Variants in BLVRA observed in about 807,000 individuals in gnomAD.
The protein encoded by BLVRA is BVR A.
In BLVRA, 22 loss-of-function variants were observed where a neutral mutation model predicts 32.8. The ratio of observed to expected loss-of-function variants is 0.67; its 90% CI spans 0.48 to 0.96. The LOEUF is 0.96. BLVRA is among the 40% of genes least tolerant of loss of function. BLVRA has a pLI of 0.00. For synonymous variants in BLVRA, 119 were observed against 141.3 expected, an observed-to-expected ratio of 0.84 and a Z score of 1.12; for missense variants, 323 against 358.1, an observed-to-expected ratio of 0.90 and a Z score of 0.79.
intron 1 of BLVRA, among the ~76,000 whole-genome samples, chr7:43,761,102 T>A (rs1348708553): frequency 6.6e-6 from 1 of 152,186 alleles, no homozygotes; most frequent in African/African-American, 2.4e-5. Flanking sequence ...AGGAAATAGC[T>A]ACATTACATG....
At chr7:43,766,472 AC>A (rs781670379) in intron 1 of BLVRA, among the ~76,000 whole-genome samples, 3 of 152,186 alleles carry the variant, frequency 2.0e-5, no homozygotes, top group Non-Finnish European at 2.9e-5. Flanking sequence ...AACTAAACAA[AC>A]CAAAACCTTT....
At chr7:43,784,674 G>C (rs895574051) in intron 2 of BLVRA, among the ~76,000 whole-genome samples, 4 of 144,432 alleles carry the variant, frequency 2.8e-5, no homozygotes, top group Non-Finnish European at 4.5e-5. Context: ...TGCAATCTTG[G>C]CTCACCGCAA....
intron 1 of BLVRA, among the ~76,000 whole-genome samples, chr7:43,766,866 T>C (rs2330921): frequency 0.15 from 23,124 of 152,158 alleles, 2,213 homozygotes; most frequent in Non-Finnish European, 0.21. Flanking sequence ...GTGCAGTGGC[T>C]CATGCCTGCA....
intron 1 of BLVRA, among the ~76,000 whole-genome samples, chr7:43,766,813 G>A (rs1338733737): frequency 1.3e-5 from 2 of 152,172 alleles, no homozygotes; most frequent in Non-Finnish European, 2.9e-5. Flanking sequence ...AACTAGCTGG[G>A]GTACCCCAGC....
intron 1 of BLVRA, chr7:43,767,430 T>G: frequency 1.3e-6 from 2 of 1,575,470 alleles, no homozygotes; most frequent in South Asian, 2.2e-5. Context: ...TATTTATATT[T>G]CACAACTAAA....
At chr7:43,788,698 C>T (rs957862259) in intron 3 of BLVRA, among the ~76,000 whole-genome samples, 1 of 152,136 alleles carries the variant, frequency 6.6e-6, no homozygotes, top group African/African-American at 2.4e-5. Flanking sequence ...CAGCCTTGAC[C>T]GTCTGGGCTC....
intron 2 of BLVRA, among the ~76,000 whole-genome samples, chr7:43,772,384 G>T (rs1223944824): frequency 1.3e-5 from 2 of 152,196 alleles, no homozygotes; most frequent in Non-Finnish European, 2.9e-5. Flanking sequence ...GTCTCCTTCG[G>T]TCTTATTGGC....
chr7:43,793,558 G>C (rs1172293520), intron 5 of BLVRA, among the ~76,000 whole-genome samples: 1 of 152,014 alleles, frequency 6.6e-6, no homozygotes, highest in African/African-American at 2.4e-5. Context: ...GGAGGCCAAG[G>C]AGCTTGGGAC....
chr7:43,792,738 A>G lies in BLVRA; in HGVS notation c.278A>G (p.His93Arg). 2 of 1,614,202 alleles carry G rather than the reference A, an allele frequency of 1.2e-6. No individual in the cohort carries two copies. The highest frequency in any genetic ancestry group is 1.7e-6 in the Non-Finnish European group (2 of 1,180,006). The change falls in exon 5 of 8, where the codon CAC (histidine) becomes CGC (arginine). Residue 93 changes from histidine to arginine, a missense_variant. Transcript: ENST00000265523. Reference protein sequence around the residue: ...YIRQFLNAGKHVLVEYPMTLS... With the variant: ...YIRQFLNAGKRVLVEYPMTLS... Reference sequence around the variant, plus strand: ...AGGCAGTTCCTTAATGCTGGCAAGCACGTCCTTGTGGAATACCCCATGACA... The same window carrying G: ...AGGCAGTTCCTTAATGCTGGCAAGCGCGTCCTTGTGGAATACCCCATGACA...
chr7:43,768,285 G>A (rs1329811797), intron 1 of BLVRA, among the ~76,000 whole-genome samples: 3 of 152,136 alleles, frequency 2.0e-5, no homozygotes, highest in East Asian at 1.9e-4. Flanking sequence ...CCTATGACCC[G>A]TTTGACCGTC....
intron 2 of BLVRA, among the ~76,000 whole-genome samples, chr7:43,786,054 T>C (rs1041751905): frequency 3.3e-5 from 5 of 152,160 alleles, no homozygotes; most frequent in African/African-American, 1.2e-4. Context: ...AATCACAATG[T>C]AAATTGTCTA....
chr7:43,779,487 G>A (rs189982504), intron 2 of BLVRA, among the ~76,000 whole-genome samples: 60 of 152,300 alleles, frequency 3.9e-4, no homozygotes, highest in African/African-American at 1.4e-3. Context: ...TTGTAATAAT[G>A]TAGACACATG....
At chr7:43,806,042 A>G (rs921830741) in intron 7 of BLVRA, among the ~76,000 whole-genome samples, 1 of 152,210 alleles carries the variant, frequency 6.6e-6, no homozygotes, top group African/African-American at 2.4e-5. Context: ...GCCGGGCACA[A>G]TGGCTCACGC....
chr7:43,767,259 C>T, intron 1 of BLVRA: 1 of 830,498 alleles, frequency 1.2e-6, no homozygotes, highest in Non-Finnish European at 2.0e-6. Flanking sequence ...AGTAGCCTGC[C>T]ACCGAGCACC....
At chr7:43,794,212 A>G (rs1422171399) in intron 5 of BLVRA, among the ~76,000 whole-genome samples, 1 of 152,156 alleles carries the variant, frequency 6.6e-6, no homozygotes, top group African/African-American at 2.4e-5. Flanking sequence ...TCTGGGCAAC[A>G]GAGTGAGACC....
intron 2 of BLVRA, among the ~76,000 whole-genome samples, chr7:43,783,510 T>C (rs1216867511): frequency 6.6e-6 from 1 of 152,228 alleles, no homozygotes; most frequent in East Asian, 1.9e-4. Context: ...TGCCATGTAA[T>C]ACTCTATATC....
At chr7:43,799,097 T>TGG (rs2095795959) in intron 5 of BLVRA, among the ~76,000 whole-genome samples, 1 of 152,232 alleles carries the variant, frequency 6.6e-6, no homozygotes, top group East Asian at 1.9e-4. Context: ...CTTCTACTTA[T>TGG]CACAAGAAGT....
rs188302994 is a variant in BLVRA, at chr7:43,787,685, A to G, written c.13-219A>G. Among the ~76,000 whole-genome samples, 3 of 152,272 alleles carry G rather than the reference A, an allele frequency of 2.0e-5. No homozygotes were observed. The East Asian group carries it at 5.8e-4, about 29-fold the overall frequency. On this transcript the variant is annotated intron_variant, in intron 2 of 7. Transcript: ENST00000265523. The surrounding 1 kb of genome is among the most constrained non-coding windows in gnomAD (Gnocchi z 4.5). ...CTCGGAAGGTTTTCAACCTAAAGAC[A>G]TGGTGGAGCACCTTCAAGAACAGGT...
At chr7:43,798,555 ACC>A (rs1019493667) in intron 5 of BLVRA, among the ~76,000 whole-genome samples, 5 of 152,062 alleles carry the variant, frequency 3.3e-5, no homozygotes, top group African/African-American at 1.2e-4. Flanking sequence ...TCAGTGGGGA[ACC>A]TCTTCCTGCC....
Sources: gnomAD v4.1 joint callset for allele counts (sites outside exome capture counted in the v4.1 genomes callset) on GRCh38, gnomAD v4.1.1 for gene constraint, Gnocchi (gnomAD v3.1) non-coding constraint, MANE v1.5 for transcripts, NCBI Gene and HGNC (gene_info 2026-07-23, HGNC 2026-07-21) for gene names.